Variants in TOX2 observed in about 807,000 individuals in gnomAD.
TOX2 encodes the protein TOX high mobility group box family member 2.
A neutral mutation model predicts 47.4 loss-of-function variants in TOX2; 15 were observed. That is an observed-to-expected ratio of 0.32 (90% CI 0.21 to 0.49). The LOEUF (loss-of-function observed/expected upper bound fraction) is 0.49, where lower values mean the gene tolerates loss of function less well. Ranked by LOEUF, TOX2 falls within the 20% of genes least tolerant of loss-of-function variation. The pLI, the probability that TOX2 is intolerant of heterozygous loss-of-function variation, is 0.99. For missense variants in TOX2, 622 were observed against 673.1 expected, an observed-to-expected ratio of 0.92 and a Z score of 0.84; for synonymous variants, 290 against 296.6, an observed-to-expected ratio of 0.98 and a Z score of 0.23.
intron 5 of TOX2, among the ~76,000 whole-genome samples, chr20:44,063,200 C>A (rs776872449): frequency 6.6e-6 from 1 of 152,156 alleles, no homozygotes; most frequent in Non-Finnish European, 1.5e-5. Context: ...AAACAGACAA[C>A]CCACAGAGTG....
chr20:43,987,976 G>C (rs1449732621), intron 2 of TOX2, among the ~76,000 whole-genome samples: 1 of 135,356 alleles, frequency 7.4e-6, no homozygotes, highest in South Asian at 2.4e-4. Flanking sequence ...CTGGAGTGCA[G>C]TATCACAATC....
At chr20:43,978,456 C>T (rs913988863) in intron 2 of TOX2, among the ~76,000 whole-genome samples, 1 of 151,188 alleles carries the variant, frequency 6.6e-6, no homozygotes, top group African/African-American at 2.5e-5. Flanking sequence ...ATGTAAAGAA[C>T]CAGAGTCAGA....
intron 2 of TOX2, among the ~76,000 whole-genome samples, chr20:44,006,236 C>T (rs2070676599): frequency 6.6e-6 from 1 of 152,106 alleles, no homozygotes; most frequent in Admixed American, 6.6e-5. Flanking sequence ...AAGATGGATC[C>T]AAGGTGGACT....
intron 3 of TOX2, among the ~76,000 whole-genome samples, chr20:44,026,822 CCTT>C (rs1302958803): frequency 6.6e-6 from 1 of 152,126 alleles, no homozygotes; most frequent in African/African-American, 2.4e-5. Context: ...CTCTGGGCCT[CCTT>C]CCTTCTTCTG....
intron 4 of TOX2, among the ~76,000 whole-genome samples, chr20:44,051,989 C>T (rs1037833531): frequency 7.1e-4 from 108 of 152,226 alleles, no homozygotes; most frequent in African/African-American, 2.5e-3. Context: ...CAAAGACTGA[C>T]TCCTGAAGGC....
At chr20:43,917,823 T>C (rs749629743) in intron 1 of TOX2, among the ~76,000 whole-genome samples, 1 of 152,166 alleles carries the variant, frequency 6.6e-6, no homozygotes, top group Non-Finnish European at 1.5e-5. Flanking sequence ...ATTAGAAAAA[T>C]AGCTTAACAG....
At chr20:43,982,874 A>G (rs1338922119) in intron 2 of TOX2, among the ~76,000 whole-genome samples, 19 of 151,490 alleles carry the variant, frequency 1.3e-4, no homozygotes, top group Non-Finnish European at 1.0e-4. Context: ...CTGTTGAGGC[A>G]GGAGGCAAGC....
At position 44,051,356 on chromosome 20, in the gene TOX2, C is replaced by G; in HGVS notation, c.462C>G (p.Pro154=). The G allele has an allele frequency of 6.2e-7, 1 of 1,613,666 alleles. No homozygotes were observed. The highest frequency in any genetic ancestry group is 1.1e-5 in the South Asian group (1 of 91,022). Residue 154 remains proline (P), a synonymous_variant, in exon 4 of 9, where the codon CCC becomes CCG. Coordinates refer to ENST00000341197, the MANE Select transcript of TOX2 (RefSeq NM_001098797.2). ...TGGCTGCCTATGACTCGGGCCGGCC[C>G]GGGCCCCTGCTGGGTCGCCCGGCAA... The part of the protein sequence containing the change: ...SEVAAYDSGR[P]GPLLGRPAML...
chr20:44,030,615 C>T (rs1163908664), intron 3 of TOX2, among the ~76,000 whole-genome samples: 1 of 152,200 alleles, frequency 6.6e-6, no homozygotes, highest in East Asian at 1.9e-4. Context: ...CTTACAGCCT[C>T]ACTTGGCCTT....
At chr20:44,031,815 G>A (rs1220507105) in intron 3 of TOX2, among the ~76,000 whole-genome samples, 2 of 152,100 alleles carry the variant, frequency 1.3e-5, no homozygotes, top group Non-Finnish European at 2.9e-5. Context: ...TGAAGGGAGG[G>A]GGAGGTTGGT....
At chr20:44,026,228 G>GATATATATATATAGAT (rs1555842269) in intron 3 of TOX2, among the ~76,000 whole-genome samples, 1 of 60,244 alleles carries the variant, frequency 1.7e-5, no homozygotes, top group Non-Finnish European at 3.1e-5. Flanking sequence ...AAGAAACTGT[G>GATATATATATATAGAT]ATATATATAT....
intron 5 of TOX2, among the ~76,000 whole-genome samples, chr20:44,062,747 A>G (rs6103592): frequency 0.13 from 19,136 of 152,184 alleles, 1,391 homozygotes; most frequent in African/African-American, 0.2. Flanking sequence ...TTCAAACTAT[A>G]TGGCCATAGT....
chr20:43,969,687 C>G (rs2069928443), intron 1 of TOX2, among the ~76,000 whole-genome samples: 1 of 152,248 alleles, frequency 6.6e-6, no homozygotes, highest in Admixed American at 6.5e-5. Context: ...CACTGCTGCT[C>G]CGCAGCTGGT....
intron 2 of TOX2, among the ~76,000 whole-genome samples, chr20:43,990,741 T>A (rs2070355144): frequency 1.3e-5 from 2 of 152,060 alleles, no homozygotes; most frequent in South Asian, 4.2e-4. Flanking sequence ...CATGGAGCAG[T>A]GTGCTCTAGG....
At chr20:43,965,789 AG>A (rs1178491609) in intron 1 of TOX2, among the ~76,000 whole-genome samples, 5 of 152,206 alleles carry the variant, frequency 3.3e-5, no homozygotes, top group South Asian at 4.1e-4. Context: ...TGGGAGGGAC[AG>A]GGTCAAGGTG....
At chr20:43,985,399 G>C (rs1600708941) in intron 2 of TOX2, among the ~76,000 whole-genome samples, 1 of 152,326 alleles carries the variant, frequency 6.6e-6, no homozygotes, top group South Asian at 2.1e-4. Flanking sequence ...CACCAGGCAT[G>C]ATGATAAGGA....
intron 1 of TOX2, among the ~76,000 whole-genome samples, chr20:43,941,487 C>T (rs2069401941): frequency 2.0e-5 from 3 of 152,204 alleles, no homozygotes; most frequent in Middle Eastern, 3.4e-3. Context: ...CATGTGCCAC[C>T]ACACCTGGCT....
At chr20:44,053,607 TAC>T (rs1476502094) in intron 4 of TOX2, among the ~76,000 whole-genome samples, 2 of 62,612 alleles carry the variant, frequency 3.2e-5, no homozygotes, top group Middle Eastern at 5.7e-3. Context: ...CACATATATA[TAC>T]ATATACACAC....
intron 5 of TOX2, among the ~76,000 whole-genome samples, chr20:44,056,660 G>A (rs1342422212): frequency 6.6e-6 from 1 of 152,098 alleles, no homozygotes; most frequent in Non-Finnish European, 1.5e-5. Flanking sequence ...CCGATAATGG[G>A]CATTTCTCTC....
Sources: allele counts gnomAD v4.1 joint callset (sites outside exome capture counted in the v4.1 genomes callset), GRCh38; gene constraint gnomAD v4.1.1; transcripts MANE v1.5; gene names NCBI Gene and HGNC (gene_info 2026-07-23, HGNC 2026-07-21).